PDE4D: variants seen among roughly 807,000 people sequenced by gnomAD.
PDE4D encodes 3',5'-cyclic-AMP phosphodiesterase 4D.
In PDE4D, 24 loss-of-function variants were observed where a neutral mutation model predicts 87.4. The ratio of observed to expected loss-of-function variants is 0.27; its 90% CI spans 0.20 to 0.39. The LOEUF (loss-of-function observed/expected upper bound fraction) is 0.39, where lower values mean the gene tolerates loss of function less well. Among genes scored for constraint, PDE4D ranks in the 10% least tolerant of loss-of-function variants. The pLI, the probability that PDE4D is intolerant of heterozygous loss-of-function variation, is 1.00. For missense variants in PDE4D, 714 were observed against 1,041.0 expected (o/e 0.69, Z 4.32); for synonymous variants, 384 against 383.2 (o/e 1.00, Z -0.02).
At chr5:60,132,472 T>C (rs940117996) in intron 2 of PDE4D, among the ~76,000 whole-genome samples, 2 of 152,136 alleles carry the variant, frequency 1.3e-5, no homozygotes, top group Admixed American at 1.3e-4. Flanking sequence ...AATGGTAAAT[T>C]TAACTATAAT....
intron 1 of PDE4D, among the ~76,000 whole-genome samples, chr5:60,397,881 A>T (rs574275704): frequency 6.6e-6 from 1 of 152,328 alleles, no homozygotes; most frequent in East Asian, 1.9e-4. Flanking sequence ...ATCACATTAT[A>T]GGCAATAACT....
At chr5:59,855,732 A>G (rs1306843172) in intron 1 of PDE4D, among the ~76,000 whole-genome samples, 1 of 152,164 alleles carries the variant, frequency 6.6e-6, no homozygotes, top group Non-Finnish European at 1.5e-5. Context: ...GCCATTCAGT[A>G]TGAGACTAAC....
At chr5:59,416,267 A>T (rs1184538156) in intron 1 of PDE4D, among the ~76,000 whole-genome samples, 2 of 152,196 alleles carry the variant, frequency 1.3e-5, no homozygotes. Flanking sequence ...GTCAGTCTCA[A>T]TCTAAAGCCA....
chr5:60,111,046 T>C (rs1777621990), intron 2 of PDE4D, among the ~76,000 whole-genome samples: 1 of 151,904 alleles, frequency 6.6e-6, no homozygotes, highest in Non-Finnish European at 1.5e-5. Context: ...GGTTAACAGA[T>C]ATAAAATTAT....
intron 3 of PDE4D, among the ~76,000 whole-genome samples, chr5:59,945,841 C>T (rs1318814719): frequency 2.6e-5 from 4 of 152,042 alleles, no homozygotes; most frequent in Admixed American, 2.6e-4. Flanking sequence ...AATAGCTGAC[C>T]CTCCTAATCA....
At chr5:59,884,494 CA>C (rs1235375664) in intron 1 of PDE4D, among the ~76,000 whole-genome samples, 1 of 151,898 alleles carries the variant, frequency 6.6e-6, no homozygotes, top group Non-Finnish European at 1.5e-5. Context: ...TCAATAATTT[CA>C]ATACATACAG....
At chr5:59,177,196 T>C (rs76791788) in intron 5 of PDE4D, among the ~76,000 whole-genome samples, 2,186 of 152,262 alleles carry the variant, frequency 0.014, 24 homozygotes, top group Non-Finnish European at 0.023. Flanking sequence ...ATGAGACTAG[T>C]GCCTTTACAA....
At chr5:59,384,773 T>G in intron 1 of PDE4D, among the ~76,000 whole-genome samples, 1 of 152,052 alleles carries the variant, frequency 6.6e-6, no homozygotes, top group East Asian at 1.9e-4. Flanking sequence ...TACTGGGTTT[T>G]TTTTTCTTGA....
chr5:59,067,357 A>G (rs549222625), intron 5 of PDE4D, among the ~76,000 whole-genome samples: 4 of 152,238 alleles, frequency 2.6e-5, no homozygotes, highest in African/African-American at 9.6e-5. Context: ...CTAAGACAGA[A>G]GGAAAAATAG....
chr5:59,403,187 A>T (rs75650123), intron 1 of PDE4D, among the ~76,000 whole-genome samples: 25,198 of 150,040 alleles, frequency 0.17, 2,932 homozygotes, highest in African/African-American at 0.32. Flanking sequence ...ATAGATAGAT[A>T]GATTGATTGA....
intron 1 of PDE4D, among the ~76,000 whole-genome samples, chr5:59,767,213 A>C (rs1178511676): frequency 6.6e-6 from 1 of 152,118 alleles, no homozygotes; most frequent in African/African-American, 2.4e-5. Flanking sequence ...AAACTGTAAA[A>C]AATTATTTAG....
At chr5:59,873,753 G>A (rs1329456762) in intron 1 of PDE4D, among the ~76,000 whole-genome samples, 1 of 152,098 alleles carries the variant, frequency 6.6e-6, no homozygotes, top group African/African-American at 2.4e-5. Flanking sequence ...TTTTACATTC[G>A]CTTTCAACTC....
At chr5:60,305,018 G>T (rs1754348574) in intron 1 of PDE4D, among the ~76,000 whole-genome samples, 1 of 146,556 alleles carries the variant, frequency 6.8e-6, no homozygotes, top group South Asian at 2.2e-4. Context: ...TGATTCTCTA[G>T]TTATTTTAGT....
chr5:59,309,470 C>T (rs1467430478), intron 1 of PDE4D, among the ~76,000 whole-genome samples: 1 of 152,194 alleles, frequency 6.6e-6, no homozygotes, highest in Non-Finnish European at 1.5e-5. Flanking sequence ...TCACTCAGCT[C>T]TCCACATTGA....
chr5:60,231,153 T>G (rs746599151), intron 1 of PDE4D, among the ~76,000 whole-genome samples: 11 of 152,040 alleles, frequency 7.2e-5, no homozygotes, highest in Non-Finnish European at 1.2e-4. Context: ...CATTCTTCCA[T>G]TTTCTGATAG....
chr5:59,940,662 A>G (rs528391340), intron 3 of PDE4D, among the ~76,000 whole-genome samples: 25 of 152,176 alleles, frequency 1.6e-4, no homozygotes, highest in Non-Finnish European at 3.4e-4. Flanking sequence ...CCTTTGAGAC[A>G]TATGGATAGA....
At chr5:59,664,992 A>G (rs1745831574) in intron 1 of PDE4D, among the ~76,000 whole-genome samples, 1 of 152,198 alleles carries the variant, frequency 6.6e-6, no homozygotes, top group Non-Finnish European at 1.5e-5. Context: ...CTAATTACCA[A>G]TATAACGTAA....
intron 1 of PDE4D, among the ~76,000 whole-genome samples, chr5:59,743,145 A>C (rs918505402): frequency 3.9e-5 from 6 of 152,098 alleles, no homozygotes; most frequent in African/African-American, 1.4e-4. Flanking sequence ...CAAACCCTAA[A>C]TTTTTTCCTT....
chr5:59,370,533 C>T (rs1783782921), intron 1 of PDE4D, among the ~76,000 whole-genome samples: 1 of 152,154 alleles, frequency 6.6e-6, no homozygotes, highest in African/African-American at 2.4e-5. Context: ...GACAGGGATA[C>T]CTATTCTGAC....
Sources: gnomAD v4.1 joint callset for allele counts (sites outside exome capture counted in the v4.1 genomes callset) on GRCh38, gnomAD v4.1.1 for gene constraint, MANE v1.5 for transcripts, NCBI Gene and HGNC (gene_info 2026-07-23, HGNC 2026-07-21) for gene names.